The following NR6A1 variants were observed in gnomAD, a reference collection of about 807,000 sequenced individuals.
NR6A1 encodes nuclear receptor subfamily 6 group A member 1.
In NR6A1, 7 loss-of-function variants were observed where a neutral mutation model predicts 59.1. The ratio of observed to expected loss-of-function variants is 0.12; its 90% CI spans 0.07 to 0.22. NR6A1 has a LOEUF of 0.22. Ranked by LOEUF, NR6A1 falls within the 10% of genes least tolerant of loss-of-function variation. The pLI is 1.00. For missense variants in NR6A1, 468 were observed against 611.6 expected, an observed-to-expected ratio of 0.77 and a Z score of 2.48; for synonymous variants, 243 against 236.1, an observed-to-expected ratio of 1.03 and a Z score of -0.27.
chr9:124,678,231 A>G (rs896003253), intron 2 of NR6A1, among the ~76,000 whole-genome samples: 10 of 152,244 alleles, frequency 6.6e-5, no homozygotes, highest in African/African-American at 2.2e-4. Flanking sequence ...CCTTCCTAAA[A>G]GAGCTAGATT....
At chr9:124,580,536 T>C (rs4838194) in intron 2 of NR6A1, among the ~76,000 whole-genome samples, 85,858 of 152,018 alleles carry the variant, frequency 0.56, 24,714 homozygotes, top group African/African-American at 0.69. Context: ...AGAACAAAGC[T>C]GGGCCAGGCG....
intron 2 of NR6A1, among the ~76,000 whole-genome samples, chr9:124,725,808 CT>C (rs1839698430): frequency 6.6e-6 from 1 of 152,052 alleles, no homozygotes; most frequent in Non-Finnish European, 1.5e-5. Flanking sequence ...ATTTTAAAAA[CT>C]TTTTAAAATA....
At chr9:124,533,096 G>T (rs569619589) in intron 7 of NR6A1, among the ~76,000 whole-genome samples, 151 of 152,348 alleles carry the variant, frequency 9.9e-4, no homozygotes, top group Non-Finnish European at 1.7e-3. Flanking sequence ...CCTGCAGAGG[G>T]CCTGGGCAAA....
chr9:124,539,940 G>A, intron 5 of NR6A1, 93 bp downstream of exon 5: 1 of 1,390,972 alleles, frequency 7.2e-7, no homozygotes, highest in Non-Finnish European at 9.6e-7. Flanking sequence ...GGCTGAGACA[G>A]CCTGGCAGGG....
At chr9:124,564,606 T>C (rs1183234545) in intron 2 of NR6A1, among the ~76,000 whole-genome samples, 2 of 152,212 alleles carry the variant, frequency 1.3e-5, no homozygotes, top group Non-Finnish European at 2.9e-5. Context: ...GAGGGATATA[T>C]GACGCTCATG....
chr9:124,552,341 G>A (rs138518397), intron 3 of NR6A1, among the ~76,000 whole-genome samples: 40 of 152,246 alleles, frequency 2.6e-4, no homozygotes, highest in African/African-American at 9.4e-4. Flanking sequence ...AGAGGAAACT[G>A]ACAGTGGGGA....
Position 124,518,694 on chromosome 9 carries a change from G to A in NR6A1, c.*4011C>T, listed in dbSNP as rs1447894373. On this transcript the variant is annotated 3_prime_UTR_variant, in exon 10 of 10. Transcript: ENST00000487099. ...GTGCAAGGGAACTCTCATGGGCTGG[G>A]GTAGGGGGAGGCAGGGGAGTAAGAG... The A allele has an allele frequency of 6.6e-6, 1 of 151,918 alleles. No homozygotes were observed. The highest frequency in any genetic ancestry group is 1.9e-4 in the East Asian group (1 of 5,198). 9.4% of individuals were successfully genotyped at this position (151,918 alleles called of 1,614,324 possible). A position where few individuals can be genotyped will look rare whatever the true frequency, so the allele number is the denominator to read the frequency against.
intron 6 of NR6A1, among the ~76,000 whole-genome samples, chr9:124,536,596 C>T (rs941778749): frequency 6.6e-6 from 1 of 150,462 alleles, no homozygotes; most frequent in African/African-American, 2.5e-5. Flanking sequence ...ACCTGAGAGG[C>T]GGAGATTGCA....
At chr9:124,527,067 C>T (rs767370688) in intron 7 of NR6A1, among the ~76,000 whole-genome samples, 167 bp from the exon 8 acceptor site, 3 of 152,270 alleles carry the variant, frequency 2.0e-5, no homozygotes, top group East Asian at 3.9e-4. Context: ...TACAGGCCAA[C>T]GTAGCTCATG....
At chr9:124,536,861 G>T (rs1833282800) in intron 6 of NR6A1, among the ~76,000 whole-genome samples, 1 of 152,140 alleles carries the variant, frequency 6.6e-6, no homozygotes, top group Admixed American at 6.6e-5. Context: ...CCAGACCACT[G>T]AAGGAAAGAG....
chr9:124,718,418 T>C (rs1337484441), intron 2 of NR6A1, among the ~76,000 whole-genome samples: 3 of 152,246 alleles, frequency 2.0e-5, no homozygotes, highest in Admixed American at 6.5e-5. Context: ...ACTTCAAAGA[T>C]GGTTCCTGCT....
intron 2 of NR6A1, among the ~76,000 whole-genome samples, chr9:124,623,083 T>C (rs1288156269): frequency 2.6e-5 from 4 of 152,168 alleles, no homozygotes. Flanking sequence ...TCTATCCCTG[T>C]AGAGGTTGGC....
intron 3 of NR6A1, among the ~76,000 whole-genome samples, chr9:124,546,676 T>C (rs1833611719): frequency 6.6e-6 from 1 of 152,208 alleles, no homozygotes; most frequent in South Asian, 2.1e-4. Flanking sequence ...GAAAGACTAA[T>C]ATAAACAGCA....
At chr9:124,641,418 A>G (rs1836764893) in intron 2 of NR6A1, among the ~76,000 whole-genome samples, 1 of 151,944 alleles carries the variant, frequency 6.6e-6, no homozygotes, top group Non-Finnish European at 1.5e-5. Flanking sequence ...TTTGAAAAGA[A>G]GAGGCCAGGA....
At chr9:124,546,694 T>C (rs943617451) in intron 3 of NR6A1, among the ~76,000 whole-genome samples, 1 of 152,218 alleles carries the variant, frequency 6.6e-6, no homozygotes. Flanking sequence ...GCAGTACCCA[T>C]TTAGAGATGA....
At chr9:124,705,177 G>C (rs1839087226) in intron 2 of NR6A1, among the ~76,000 whole-genome samples, 1 of 152,198 alleles carries the variant, frequency 6.6e-6, no homozygotes, top group African/African-American at 2.4e-5. Context: ...TTTGCATAAA[G>C]TGTTCAATAA....
intron 2 of NR6A1, among the ~76,000 whole-genome samples, chr9:124,704,736 A>G (rs1839072428): frequency 1.3e-5 from 2 of 152,178 alleles, no homozygotes; most frequent in South Asian, 4.1e-4. Context: ...TTAGTTAAAA[A>G]AAATTTTTGT....
At chr9:124,767,513 G>GAAA (rs951834728) in intron 1 of NR6A1, among the ~76,000 whole-genome samples, 2 of 76,456 alleles carry the variant, frequency 2.6e-5, no homozygotes, top group African/African-American at 4.2e-5. Flanking sequence ...TACAAAAAAA[G>GAAA]AAAAAAAAAA....
chr9:124,649,737 G>A lies in NR6A1; in HGVS notation c.142+83571C>T, dbSNP rs200546405. The stretch of plus-strand genomic sequence containing the variant: ...AAGAGATGAATAACTAAATATACAC[G>A]GAACTCAATAGCAAAAAGCTCCAAA... On this transcript the variant is annotated intron_variant, in intron 2 of 9. Coordinates refer to ENST00000487099, the MANE Select transcript of NR6A1 (RefSeq NM_033334.4). Among the ~76,000 whole-genome samples the A allele has an allele frequency of 6.4e-4, 98 of 151,940 alleles. 1 individual carries two copies. In the South Asian group the frequency reaches 0.018, roughly 28 times the overall value.
Sources: gnomAD v4.1 joint callset for allele counts (sites outside exome capture counted in the v4.1 genomes callset) on GRCh38, gnomAD v4.1.1 for gene constraint, MANE v1.5 for transcripts, NCBI Gene and HGNC (gene_info 2026-07-23, HGNC 2026-07-21) for gene names.